ZDHHC18: variants seen among roughly 807,000 people sequenced by gnomAD.
ZDHHC18 encodes the protein palmitoyltransferase ZDHHC18.
ZDHHC18 carries 23 observed loss-of-function variants against 37.5 expected under a neutral mutation model. The observed-to-expected ratio is 0.61, with a 90% CI of 0.44 to 0.87. ZDHHC18 has a LOEUF of 0.87. Among genes scored for constraint, ZDHHC18 ranks in the 40% least tolerant of loss-of-function variants. The probability of loss-of-function intolerance (pLI) is 0.00; values close to 1 mark genes in which losing one functional copy is unlikely to be tolerated. For synonymous variants in ZDHHC18, 185 were observed against 218.7 expected, an observed-to-expected ratio of 0.85 and a Z score of 1.36; for missense variants, 406 against 525.6, an observed-to-expected ratio of 0.77 and a Z score of 2.22.
chr1:26,833,653 C>T lies in ZDHHC18; in HGVS notation c.496+1046C>T, dbSNP rs112612458. On this transcript the variant is annotated intron_variant, in intron 2 of 7. Coordinates refer to ENST00000374142, the MANE Select transcript of ZDHHC18 (RefSeq NM_032283.3). Reference sequence around the variant, plus strand: ...GGGGTGGCGGGGTACTGGGCCAGGTCCCTAATCTCAGCTTGCTGCACCCCA... The same window carrying T: ...GGGGTGGCGGGGTACTGGGCCAGGTTCCTAATCTCAGCTTGCTGCACCCCA... Among the ~76,000 whole-genome samples the T allele has an allele frequency of 2.6e-5, 4 of 152,156 alleles. 1 individual carries two copies. The highest frequency in any genetic ancestry group is 9.6e-5 in the African/African-American group (4 of 41,516).
chr1:26,832,665 G>C, intron 2 of ZDHHC18, 58 bp downstream of exon 2: 2 of 1,585,422 alleles, frequency 1.3e-6, no homozygotes, highest in Non-Finnish European at 1.7e-6. Flanking sequence ...TCCCTGACTT[G>C]GGAGGAGGCC....
chr1:26,842,383 T>C (rs879332603), intron 2 of ZDHHC18, among the ~76,000 whole-genome samples: 1 of 152,254 alleles, frequency 6.6e-6, no homozygotes, highest in African/African-American at 2.4e-5. Context: ...GGTGAGTTAC[T>C]ATCGTTTCTA....
chr1:26,828,761 GGGGCCCAGAGCTC>G lies in ZDHHC18; in HGVS notation c.335+1623_335+1635del, dbSNP rs549912585. ...GATGATTTACAAGCAGAAGCTCTGG[GGGGCCCAGAGCTC>G]AGCTCTGGGCTGAGTTTCAGATCCA... On this transcript the variant is annotated intron_variant, in intron 1 of 7. Coordinates refer to ENST00000374142, the MANE Select transcript of ZDHHC18 (RefSeq NM_032283.3). 6.6e-5 allele frequency among the ~76,000 whole-genome samples: 10 copies of G among 151,854 alleles called. No individual in the cohort carries two copies. The East Asian group carries it at 2.0e-3, about 30-fold the overall frequency.
At chr1:26,845,317 A>ATTTT (rs2081658188) in intron 2 of ZDHHC18, among the ~76,000 whole-genome samples, 1 of 68,852 alleles carries the variant, frequency 1.5e-5, no homozygotes, top group African/African-American at 5.8e-5. Context: ...TTACTTCTTC[A>ATTTT]TTCTTTTTTT....
chr1:26,843,773 G>A (rs1044171334), intron 2 of ZDHHC18, among the ~76,000 whole-genome samples: 2 of 151,510 alleles, frequency 1.3e-5, no homozygotes, highest in Admixed American at 6.6e-5. Context: ...CTGGGCAACA[G>A]AGCAATATTC....
chr1:26,841,558 G>A (rs745698413), intron 2 of ZDHHC18, among the ~76,000 whole-genome samples: 27 of 152,202 alleles, frequency 1.8e-4, no homozygotes, highest in Non-Finnish European at 1.3e-4. Flanking sequence ...CAAAGCCTAT[G>A]TCCAAGTCAG....
intron 6 of ZDHHC18, among the ~76,000 whole-genome samples, chr1:26,852,048 A>T (rs1451038370): frequency 6.6e-6 from 1 of 152,222 alleles, no homozygotes; most frequent in Admixed American, 6.5e-5. Flanking sequence ...CCTCTCATTC[A>T]GGGAAACAAA....
At chr1:26,852,381 C>T (rs764945262) in intron 6 of ZDHHC18, among the ~76,000 whole-genome samples, 2 of 152,218 alleles carry the variant, frequency 1.3e-5, no homozygotes, top group Non-Finnish European at 2.9e-5. Flanking sequence ...TCAGGCTCAG[C>T]GAAGTGGTGA....
intron 7 of ZDHHC18, among the ~76,000 whole-genome samples, 191 bp from the exon 8 acceptor site, chr1:26,853,535 G>A (rs2081717524): frequency 6.6e-6 from 1 of 152,228 alleles, no homozygotes; most frequent in African/African-American, 2.4e-5. Flanking sequence ...CAAAAGCCAG[G>A]TGGCCAGAGG....
At position 26,848,610 on chromosome 1, in the gene ZDHHC18, A is replaced by G. The variant is rs1288763208; in HGVS notation, c.499A>G (p.Asn167Asp). The change falls in exon 3 of 8, where the codon AAC (asparagine) becomes GAC (aspartate). Residue 167 changes from asparagine to aspartate, a missense_variant and splice_region_variant. Coordinates refer to ENST00000374142, the MANE Select transcript of ZDHHC18 (RefSeq NM_032283.3). ...EAAALEKQIDNTGSSTYRPPP... is the reference protein window; with the variant it reads ...EAAALEKQIDDTGSSTYRPPP... ...TCTTTCTCTCCTCCTTCCCTCAGACAACACAGGCAGTTCTACATACCGGCC... is the reference window on the plus strand; with the variant it reads ...TCTTTCTCTCCTCCTTCCCTCAGACGACACAGGCAGTTCTACATACCGGCC... The G allele has an allele frequency of 6.2e-7, 1 of 1,610,538 alleles. No homozygotes were observed. The highest frequency in any genetic ancestry group is 1.3e-5 in the African/African-American group (1 of 74,858).
At chr1:26,827,169 C>G (rs753169055) in intron 1 of ZDHHC18, 30 bp downstream of exon 1, 1 of 1,339,158 alleles carries the variant, frequency 7.5e-7, no homozygotes, top group Non-Finnish European at 9.5e-7. Context: ...CGCCCCCTCC[C>G]AGCCCCCTGC....
chr1:26,841,249 G>T (rs913251535), intron 2 of ZDHHC18, among the ~76,000 whole-genome samples: 2 of 152,108 alleles, frequency 1.3e-5, no homozygotes, highest in African/African-American at 4.8e-5. Flanking sequence ...AAAATGTTGG[G>T]ATTACAGGTG....
chr1:26,848,871 T>A (rs1045757300), intron 3 of ZDHHC18, 114 bp downstream of exon 3: 6 of 1,428,448 alleles, frequency 4.2e-6, no homozygotes, highest in Non-Finnish European at 4.7e-6. Flanking sequence ...TACCCAGGGC[T>A]GGGCAGGGGG....
chr1:26,852,745 G>T lies in ZDHHC18; in HGVS notation c.937-8G>T. 1.2e-6 allele frequency: 2 copies of T among 1,613,690 alleles called. No individual in the cohort carries two copies. Among genetic ancestry groups the T allele is most frequent in the Non-Finnish European group, 1.7e-6 (2 of 1,179,650 alleles). ...GGTACTTGACCTAGGCCTCCTTCCT[G>T]CTTGCAGATCAAAGGCTCGTGGTCC... On this transcript the variant is annotated splice_polypyrimidine_tract_variant and splice_region_variant and intron_variant, in intron 6 of 7. Coordinates refer to ENST00000374142, the MANE Select transcript of ZDHHC18 (RefSeq NM_032283.3).
intron 2 of ZDHHC18, among the ~76,000 whole-genome samples, chr1:26,840,001 C>T (rs180853562): frequency 1.4e-4 from 22 of 152,386 alleles, no homozygotes; most frequent in Admixed American, 1.1e-3. Context: ...TGACACAGCG[C>T]TCTGCCTCCC....
At chr1:26,840,937 C>T (rs2081635730) in intron 2 of ZDHHC18, among the ~76,000 whole-genome samples, 1 of 141,358 alleles carries the variant, frequency 7.1e-6, no homozygotes, top group Admixed American at 7.8e-5. Flanking sequence ...CTCAGTCTCC[C>T]GTGTAGCTAG....
intron 2 of ZDHHC18, among the ~76,000 whole-genome samples, chr1:26,835,012 A>G (rs1265946323): frequency 6.6e-6 from 1 of 152,138 alleles, no homozygotes; most frequent in East Asian, 1.9e-4. Context: ...TGCCTGGGGG[A>G]CTGGAGAAGC....
At chr1:26,846,862 A>G in intron 2 of ZDHHC18, among the ~76,000 whole-genome samples, 1 of 152,002 alleles carries the variant, frequency 6.6e-6, no homozygotes, top group Non-Finnish European at 1.5e-5. Context: ...CATAATCACA[A>G]TTCCATTATC....
intron 1 of ZDHHC18, among the ~76,000 whole-genome samples, chr1:26,831,272 G>A (rs1478134939): frequency 6.6e-6 from 1 of 151,980 alleles, no homozygotes; most frequent in African/African-American, 2.4e-5. Context: ...AGGTAGGAGA[G>A]AGCCAGGCTT....
Sources: allele counts gnomAD v4.1 joint callset (sites outside exome capture counted in the v4.1 genomes callset), GRCh38; gene constraint gnomAD v4.1.1; transcripts MANE v1.5; gene names NCBI Gene and HGNC (gene_info 2026-07-23, HGNC 2026-07-21).